Variants in HNRNPCL2 observed in about 807,000 individuals in gnomAD.
HNRNPCL2 encodes the protein heterogeneous nuclear ribonucleoprotein C like 2.
A neutral mutation model predicts 18.2 loss-of-function variants in HNRNPCL2; 17 were observed. The observed-to-expected ratio is 0.94, with a 90% confidence interval of 0.64 to 1.40. HNRNPCL2 has a LOEUF of 1.40. Among genes scored for constraint, HNRNPCL2 ranks in the 40% most tolerant of loss-of-function variants. The pLI, the probability that HNRNPCL2 is intolerant of heterozygous loss-of-function variation, is 0.00. For synonymous variants in HNRNPCL2, 133 were observed against 129.9 expected, an observed-to-expected ratio of 1.02 and a Z score of -0.16; for missense variants, 358 against 357.1, an observed-to-expected ratio of 1.00 and a Z score of -0.02.
rs531997452 is a variant in HNRNPCL2, at chr1:13,116,731, C to G, written c.-182+62G>C. On this transcript the variant is annotated intron_variant, in intron 1 of 1. Coordinates refer to ENST00000621994, the MANE Select transcript of HNRNPCL2 (RefSeq NM_001136561.3). The stretch of plus-strand genomic sequence containing the variant: ...TATGCCATCGTAGGCTGCACTGTCA[C>G]CGTTCTAGACCGGCTGACTGTAGGT... 102 of 380,062 alleles carry G rather than the reference C, an allele frequency of 2.7e-4. No homozygotes were observed. The South Asian group carries it at 4.3e-3, about 16-fold the overall frequency. The allele number at this position is 380,062 out of a possible 1,614,324, so 23.5% of individuals were successfully genotyped here.
Position 13,115,645 on chromosome 1 carries a change from G to T in HNRNPCL2, c.756C>A (p.Asp252Glu), listed in dbSNP as rs1642805097. 6.2e-7 allele frequency: 1 copy of T among 1,613,294 alleles called. No individual in the cohort carries two copies. Among genetic ancestry groups the T allele is most frequent in the African/African-American group, 1.3e-5 (1 of 74,434 alleles). ...CTTCATTATCATCATCATCCAGTGG[G>T]TCCCCCTCCTCAGCAGAGTCTTCTG... ...GGAEDSAEEG[D>E]PLDDDDNEDQ... The change falls in exon 2 of 2, where the codon GAC (aspartate) becomes GAA (glutamate). Residue 252 changes from aspartate (D) to glutamate (E), a missense_variant. Coordinates refer to ENST00000621994, the MANE Select transcript of HNRNPCL2 (RefSeq NM_001136561.3).
In HNRNPCL2 at chr1:13,116,269, C is replaced by A. The variant is rs764529578; in HGVS notation, c.132G>T (p.Ala44=). The A allele has an allele frequency of 5.0e-6, 8 of 1,612,296 alleles. No homozygotes were observed. Among genetic ancestry groups the A allele is most frequent in the Non-Finnish European group, 6.8e-6 (8 of 1,179,676 alleles). The change falls in exon 2 of 2, where the codon GCG becomes GCT. Residue 44 remains alanine, a synonymous_variant. Transcript: ENST00000621994. ...CAAAGCCCTTATGAACAGAGCAGCC[C>A]GCAATTTTGCCATACTTGGAAAAGA... The part of the protein sequence containing the change: ...EAIFSKYGKI[A]GCSVHKGFAF...
chr1:13,116,694 A>G (rs1237093212), intron 1 of HNRNPCL2, 99 bp downstream of exon 1: 11 of 599,272 alleles, frequency 1.8e-5, no homozygotes, highest in African/African-American at 9.4e-5. Flanking sequence ...AAAAAAAGAC[A>G]TGATATAGTT....
chr1:13,116,191 C>A lies in HNRNPCL2; in HGVS notation c.210G>T (p.Glu70Asp). The A allele has an allele frequency of 6.2e-7, 1 of 1,611,506 alleles. No individual in the cohort carries two copies. ...EKNARAAVAG[E>D]DGRMIASQVA... Reference sequence around the variant, plus strand: ...CCTGGCTAGCAATCATTCTGCCATCCTCTCCTGCTACAGCAGCCCGGGCAT... The same window carrying A: ...CCTGGCTAGCAATCATTCTGCCATCATCTCCTGCTACAGCAGCCCGGGCAT... The change falls in exon 2 of 2, where the codon GAG becomes GAT. Residue 70 changes from glutamate to aspartate, a missense_variant. Glu to Asp is a conservative substitution (Grantham distance 45). Coordinates refer to ENST00000621994, the MANE Select transcript of HNRNPCL2 (RefSeq NM_001136561.3).
rs754194825 is a variant in HNRNPCL2 at position 13,115,876 on chromosome 1, C to A, written c.525G>T (p.Leu175=). Residue 175 remains leucine (L), a synonymous_variant, in exon 2 of 2, where the codon CTG becomes CTT. Transcript: ENST00000621994. ...GKRGSSKSGK[L]KGDDLQAIKQ... is the part of the protein sequence containing the mutation. ...TAATGGCCTGAAGGTCATCTCCTTT[C>A]AGCTTTCCAGACTTGGAAGATCCCC... 23 of 1,612,940 alleles carry A rather than the reference C, an allele frequency of 1.4e-5. 1 individual carries two copies. The highest frequency in any genetic ancestry group is 2.5e-6 in the Non-Finnish European group (3 of 1,179,690).
At position 13,116,820 on chromosome 1, in the gene HNRNPCL2, T is replaced by G. The variant is rs1642836763; in HGVS notation, c.-209A>C. 1 of 194,684 alleles carries G rather than the reference T, an allele frequency of 5.1e-6. No individual in the cohort carries two copies. Among genetic ancestry groups the G allele is most frequent in the Admixed American group, 5.4e-5 (1 of 18,624 alleles). 12.1% of individuals were successfully genotyped at this position (194,684 alleles called of 1,614,324 possible). Reference sequence around the variant, plus strand: ...GATCTGGTTGTAGTTTAGAAGGTGCTCAGACCTCAGGAAGAGCCAAGCAGG... The same window carrying G: ...GATCTGGTTGTAGTTTAGAAGGTGCGCAGACCTCAGGAAGAGCCAAGCAGG... On this transcript the variant is annotated 5_prime_UTR_variant, in exon 1 of 2. Coordinates refer to ENST00000621994, the MANE Select transcript of HNRNPCL2 (RefSeq NM_001136561.3).
At position 13,115,542 on chromosome 1, in the gene HNRNPCL2, T is replaced by C. The variant is rs143348790; in HGVS notation, c.859A>G (p.Thr287Ala). 1.4e-4 allele frequency: 228 copies of C among 1,609,682 alleles called. 5 individuals are homozygous for C. The African/African-American group carries it at 2.5e-3, about 17-fold the overall frequency. Residue 287 changes from threonine (T) to alanine (A), a missense_variant, in exon 2 of 2, where the codon ACC becomes GCC. Coordinates refer to ENST00000621994, the MANE Select transcript of HNRNPCL2 (RefSeq NM_001136561.3). ...GCTTAAGAGTCATCCTGGCCATTGG[T>C]GCTGTCTCTGTTATCCTCTCCTTCC... ...AEEGEDNRDS[T>A]NGQDDS is the part of the protein sequence containing the mutation.
In HNRNPCL2 at chr1:13,116,831, G is replaced by A. The variant is rs1344273770; in HGVS notation, c.-220C>T. On this transcript the variant is annotated 5_prime_UTR_variant, in exon 1 of 2. Transcript: ENST00000621994. ...AGTTTAGAAGGTGCTCAGACCTCAGGAAGAGCCAAGCAGGAACTCCAGGCT... is the reference window on the plus strand; with the variant it reads ...AGTTTAGAAGGTGCTCAGACCTCAGAAAGAGCCAAGCAGGAACTCCAGGCT... 5 of 184,444 alleles carry A rather than the reference G, an allele frequency of 2.7e-5. No individual in the cohort carries two copies. The highest frequency in any genetic ancestry group is 5.6e-5 in the Non-Finnish European group (5 of 88,736). 11.4% of individuals were successfully genotyped at this position (184,444 alleles called of 1,614,324 possible).
rs868401016 is a variant in HNRNPCL2, at chr1:13,115,800, G to T, written c.601C>A (p.Leu201Met). 6.2e-6 allele frequency: 10 copies of T among 1,613,162 alleles called. No individual in the cohort carries two copies. The Middle Eastern group carries it at 1.3e-3, about 213-fold the overall frequency. ...CTCTGTTCCTTTTCAATTTTTTCCA[G>T]GTTTTCCAGGAGAGAATCCACTTTC... is the stretch of plus-strand genomic sequence containing the variant. The part of the protein sequence containing the change: ...KQKVDSLLEN[L>M]EKIEKEQSKQ... The change falls in exon 2 of 2, where the codon CTG becomes ATG. Residue 201 changes from leucine (L) to methionine (M), a missense_variant. By Grantham distance (15) the Leu-to-Met change is conservative. Coordinates refer to ENST00000621994, the MANE Select transcript of HNRNPCL2 (RefSeq NM_001136561.3).
chr1:13,115,592 A>T lies in HNRNPCL2; in HGVS notation c.809T>A (p.Ile270Asn), dbSNP rs1247980133. The T allele has an allele frequency of 6.2e-7, 1 of 1,613,334 alleles. No homozygotes were observed. Among genetic ancestry groups the T allele is most frequent in the African/African-American group, 1.3e-5 (1 of 74,452 alleles). ...EDQGDNQLHL[I>N]KNNEKDAEEG... ...CTCAGCATCTTTTTCATTATTCTTG[A>T]TCAAATGAAGCTGGTTGTCCCCCTG... The change falls in exon 2 of 2, where the codon ATC becomes AAC. Residue 270 changes from isoleucine to asparagine, a missense_variant. By Grantham distance (149) the Ile-to-Asn change is moderately radical. Transcript: ENST00000621994.
rs1482059824 is a variant in HNRNPCL2 at position 13,116,194 on chromosome 1, T to C, written c.207A>G (p.Gly69=). 1.2e-6 allele frequency: 2 copies of C among 1,611,612 alleles called. No homozygotes were observed. Among genetic ancestry groups the C allele is most frequent in the Admixed American group, 1.7e-5 (1 of 59,648 alleles). Residue 69 remains glycine (G), a synonymous_variant, in exon 2 of 2, where the codon GGA becomes GGG. Transcript: ENST00000621994. ...GGCTAGCAATCATTCTGCCATCCTCTCCTGCTACAGCAGCCCGGGCATTTT... is the reference window on the plus strand; with the variant it reads ...GGCTAGCAATCATTCTGCCATCCTCCCCTGCTACAGCAGCCCGGGCATTTT... ...KEKNARAAVA[G]EDGRMIASQV...
chr1:13,116,105 C>G lies in HNRNPCL2; in HGVS notation c.296G>C (p.Arg99Pro). The G allele has an allele frequency of 1.9e-6, 3 of 1,612,928 alleles. No individual in the cohort carries two copies. The highest frequency in any genetic ancestry group is 2.5e-6 in the Non-Finnish European group (3 of 1,179,778). ...KVNRGNAGVK[R>P]SAAEMYGSSF... ...GGAGCCGTACATCTCCGCTGCGGAT[C>G]GTTTCACACCTGCGTTTCCTCGGTT... is the stretch of plus-strand genomic sequence containing the variant. Residue 99 changes from arginine (R) to proline (P), a missense_variant, in exon 2 of 2, where the codon CGA becomes CCA. Physicochemically the swap from Arg to Pro is moderately radical, Grantham distance 103. Coordinates refer to ENST00000621994, the MANE Select transcript of HNRNPCL2 (RefSeq NM_001136561.3).
In HNRNPCL2 at chr1:13,115,605, G is replaced by A. The variant is rs745558128; in HGVS notation, c.796C>T (p.Gln266Ter). Residue 266 changes from glutamine to a stop codon, truncating the protein, a stop_gained, in exon 2 of 2, where the codon CAG becomes TAG. Transcript: ENST00000621994. LOFTEE classifies it high-confidence loss of function. ...DDDNEDQGDN[Q>*]LHLIKNNEKD... ...TCATTATTCTTGATCAAATGAAGCTGGTTGTCCCCCTGATCTTCATTATCA... is the reference window on the plus strand; with the variant it reads ...TCATTATTCTTGATCAAATGAAGCTAGTTGTCCCCCTGATCTTCATTATCA... 49 of 1,613,486 alleles carry A rather than the reference G, an allele frequency of 3.0e-5. 1 individual carries two copies. Among genetic ancestry groups the A allele is most frequent in the Non-Finnish European group, 3.8e-5 (45 of 1,179,942 alleles).
rs534136947 is a variant in HNRNPCL2, at chr1:13,116,743, G to A, written c.-182+50C>T. ...GGCTGCACTGTCACCGTTCTAGACC[G>A]GCTGACTGTAGGTCACATGGGAGTG... On this transcript the variant is annotated intron_variant, in intron 1 of 1. Coordinates refer to ENST00000621994, the MANE Select transcript of HNRNPCL2 (RefSeq NM_001136561.3). 241 of 354,630 alleles carry A rather than the reference G, an allele frequency of 6.8e-4. 1 individual carries two copies. Among genetic ancestry groups the A allele is most frequent in the East Asian group, 9.7e-4 (18 of 18,580 alleles). The allele number at this position is 354,630 out of a possible 1,614,324, so 22.0% of individuals were successfully genotyped here.
At chr1:13,116,683 GA>G (rs138756808) in intron 1 of HNRNPCL2, 102 bp from the exon 2 acceptor site, 2 of 650,142 alleles carry the variant, frequency 3.1e-6, no homozygotes, top group South Asian at 4.9e-5. Flanking sequence ...ATGAAAAAAA[GA>G]AAAAAAGACA....
Position 13,115,688 on chromosome 1 carries a change from A to G in HNRNPCL2, c.713T>C (p.Met238Thr), listed in dbSNP as rs1642807262. The G allele has an allele frequency of 1.2e-6, 2 of 1,613,250 alleles. No individual in the cohort carries two copies. Among genetic ancestry groups the G allele is most frequent in the East Asian group, 2.2e-5 (1 of 44,858 alleles). ...SMKKDETHVK[M>T]ESEGGAEDSA... ...GTCTTCTGCACCCCCCTCAGACTCCATCTTTACATGAGTCTCATCTTTCTT... is the reference window on the plus strand; with the variant it reads ...GTCTTCTGCACCCCCCTCAGACTCCGTCTTTACATGAGTCTCATCTTTCTT... The change falls in exon 2 of 2, where the codon ATG (methionine) becomes ACG (threonine). Residue 238 changes from methionine (M) to threonine (T), a missense_variant. Physicochemically the swap from Met to Thr is moderately conservative, Grantham distance 81 (BLOSUM62 -1). Transcript: ENST00000621994.
chr1:13,115,954 T>G lies in HNRNPCL2; in HGVS notation c.447A>C (p.Ser149=). 1.9e-6 allele frequency: 3 copies of G among 1,613,136 alleles called. No homozygotes were observed. The highest frequency in any genetic ancestry group is 2.5e-6 in the Non-Finnish European group (3 of 1,179,716). The part of the protein sequence containing the change: ...AVVPSKRQRI[S]GNTSRRGKSG... ...TTTTGCCCCTTCGTGAGGTGTTTCCTGATATGCGCTGGCGTTTCGAGGGCA... is the reference window on the plus strand; with the variant it reads ...TTTTGCCCCTTCGTGAGGTGTTTCCGGATATGCGCTGGCGTTTCGAGGGCA... The change falls in exon 2 of 2, where the codon TCA becomes TCC. Residue 149 remains serine (S), a synonymous_variant. Coordinates refer to ENST00000621994, the MANE Select transcript of HNRNPCL2 (RefSeq NM_001136561.3).
At chr1:13,116,732 C>A in intron 1 of HNRNPCL2, 61 bp downstream of exon 1, 1 of 377,988 alleles carries the variant, frequency 2.6e-6, no homozygotes, top group Middle Eastern at 7.6e-4. Flanking sequence ...GCACTGTCAC[C>A]GTTCTAGACC....
At position 13,115,723 on chromosome 1, in the gene HNRNPCL2, A is replaced by C; in HGVS notation, c.678T>G (p.Ser226Arg). 6.2e-7 allele frequency: 1 copy of C among 1,613,476 alleles called. No individual in the cohort carries two copies. The highest frequency in any genetic ancestry group is 8.5e-7 in the Non-Finnish European group (1 of 1,179,926). ...KNAKSEEEQS[S>R]SSMKKDETHV... ...GAGTCTCATCTTTCTTCATGGAGCT[A>C]CTGCTCTGCTCCTCTTCTGACTTAG... Residue 226 changes from serine to arginine, a missense_variant, in exon 2 of 2, where the codon AGT (serine) becomes AGG (arginine). Coordinates refer to ENST00000621994, the MANE Select transcript of HNRNPCL2 (RefSeq NM_001136561.3).
Sources: gnomAD v4.1 joint callset for allele counts on GRCh38, gnomAD v4.1.1 for gene constraint, MANE v1.5 for transcripts, NCBI Gene and HGNC (gene_info 2026-07-23, HGNC 2026-07-21) for gene names.